PBX3: variants seen among roughly 807,000 people sequenced by gnomAD.
PBX3 encodes the protein pre-B-cell leukemia transcription factor 3.
In PBX3, 14 loss-of-function variants were observed where a neutral mutation model predicts 48.5. That is an observed-to-expected ratio of 0.29 (90% CI 0.19 to 0.45). The LOEUF (loss-of-function observed/expected upper bound fraction) is 0.45. PBX3 is among the 20% of genes least tolerant of loss of function. PBX3 has a pLI of 1.00. For synonymous variants in PBX3, 210 were observed against 200.3 expected, an observed-to-expected ratio of 1.05 and a Z score of -0.41; for missense variants, 386 against 546.7, an observed-to-expected ratio of 0.71 and a Z score of 2.93.
chr9:125,794,797 G>T (rs1270237651), intron 2 of PBX3, among the ~76,000 whole-genome samples: 2 of 151,430 alleles, frequency 1.3e-5, no homozygotes, highest in Non-Finnish European at 2.9e-5. Flanking sequence ...AGATAACAAG[G>T]TTGGGCAACC....
At chr9:125,877,539 C>T (rs913929505) in intron 2 of PBX3, among the ~76,000 whole-genome samples, 1 of 152,158 alleles carries the variant, frequency 6.6e-6, no homozygotes, top group Non-Finnish European at 1.5e-5. Context: ...TAAAATCTCT[C>T]CTTTTCTCAG....
intron 2 of PBX3, among the ~76,000 whole-genome samples, chr9:125,784,622 C>G (rs1184572168): frequency 6.6e-6 from 1 of 152,132 alleles, no homozygotes; most frequent in African/African-American, 2.4e-5. Flanking sequence ...TCTGAAGTCT[C>G]TGTTCCATTA....
At chr9:125,947,979 C>A (rs1288984828) in intron 5 of PBX3, among the ~76,000 whole-genome samples, 1 of 152,156 alleles carries the variant, frequency 6.6e-6, no homozygotes, top group Non-Finnish European at 1.5e-5. Flanking sequence ...TTTTCTGTAA[C>A]TGAACAAGCA....
intron 2 of PBX3, 135 bp from the exon 3 acceptor site, chr9:125,915,551 A>G (rs1841309066): frequency 9.2e-6 from 6 of 654,486 alleles, no homozygotes; most frequent in African/African-American, 1.8e-5. Flanking sequence ...TCAAATGTGA[A>G]CAATGAAGTT....
intron 2 of PBX3, among the ~76,000 whole-genome samples, chr9:125,841,029 T>TGCGC (rs1483698543): frequency 3.9e-5 from 6 of 152,298 alleles, no homozygotes; most frequent in African/African-American, 1.4e-4. Flanking sequence ...AATTCTTAAA[T>TGCGC]TATTATGTAC....
chr9:125,832,345 G>A (rs914142520), intron 2 of PBX3, among the ~76,000 whole-genome samples: 19 of 151,894 alleles, frequency 1.3e-4, no homozygotes, highest in African/African-American at 3.9e-4. Context: ...ACAGGCGCCC[G>A]CCACCACGCC....
chr9:125,758,016 C>T (rs532190455), intron 2 of PBX3, among the ~76,000 whole-genome samples: 17 of 152,218 alleles, frequency 1.1e-4, no homozygotes, highest in South Asian at 6.2e-4. Flanking sequence ...TGAATTTCCT[C>T]GTGTTCACCA....
intron 2 of PBX3, among the ~76,000 whole-genome samples, chr9:125,766,895 A>T (rs1468215174): frequency 6.6e-6 from 1 of 150,598 alleles, no homozygotes; most frequent in East Asian, 2.0e-4. Context: ...ATTGAAATGA[A>T]TGCTAATTTT....
intron 2 of PBX3, among the ~76,000 whole-genome samples, chr9:125,886,435 A>G (rs893266121): frequency 6.6e-6 from 1 of 152,156 alleles, no homozygotes; most frequent in South Asian, 2.1e-4. Context: ...AGGTTCAAAC[A>G]GTTTCAAATT....
At chr9:125,758,109 A>G (rs1480279295) in intron 2 of PBX3, among the ~76,000 whole-genome samples, 2 of 152,220 alleles carry the variant, frequency 1.3e-5, no homozygotes, top group African/African-American at 2.4e-5. Flanking sequence ...ACTGTGATCA[A>G]GTAGAGATAC....
intron 2 of PBX3, among the ~76,000 whole-genome samples, chr9:125,799,334 G>A (rs1295506585): frequency 2.0e-5 from 3 of 152,100 alleles, no homozygotes; most frequent in East Asian, 3.9e-4. Flanking sequence ...GCAACATGGC[G>A]AAACTCCGTC....
chr9:125,899,187 T>G (rs1840846268), intron 2 of PBX3, among the ~76,000 whole-genome samples: 1 of 145,256 alleles, frequency 6.9e-6, no homozygotes, highest in Non-Finnish European at 1.5e-5. Context: ...TCACATTCTT[T>G]AGATGATATA....
chr9:125,926,751 C>T (rs922436129), intron 3 of PBX3, among the ~76,000 whole-genome samples: 3 of 152,072 alleles, frequency 2.0e-5, no homozygotes, highest in African/African-American at 4.8e-5. Flanking sequence ...ACTTGGGAGG[C>T]GGAGATTGCA....
chr9:125,901,694 A>AGG (rs1840949344), intron 2 of PBX3, among the ~76,000 whole-genome samples: 1 of 151,706 alleles, frequency 6.6e-6, no homozygotes. Flanking sequence ...TGTTTTCTAG[A>AGG]GGGTCTTACT....
chr9:125,811,023 C>A (rs1211319825), intron 2 of PBX3, among the ~76,000 whole-genome samples: 1 of 152,166 alleles, frequency 6.6e-6, no homozygotes. Flanking sequence ...TTATAAACTT[C>A]TCTTCTGCTA....
At chr9:125,763,791 G>T (rs1377929565) in intron 2 of PBX3, among the ~76,000 whole-genome samples, 1 of 152,148 alleles carries the variant, frequency 6.6e-6, no homozygotes, top group Admixed American at 6.6e-5. Flanking sequence ...AAAGCAAAAG[G>T]CTGTTTTCAT....
At chr9:125,794,045 C>A (rs1197413339) in intron 2 of PBX3, among the ~76,000 whole-genome samples, 1 of 151,974 alleles carries the variant, frequency 6.6e-6, no homozygotes, top group African/African-American at 2.4e-5. Flanking sequence ...TGTTTTCTTA[C>A]AAATATGATG....
chr9:125,822,063 G>C (rs1262162178), intron 2 of PBX3, among the ~76,000 whole-genome samples: 1 of 152,050 alleles, frequency 6.6e-6, no homozygotes, highest in African/African-American at 2.4e-5. Flanking sequence ...TCTGTCAGGA[G>C]TAAATTAGCC....
chr9:125,750,367 T>A (rs955569381), intron 2 of PBX3, among the ~76,000 whole-genome samples: 2 of 152,232 alleles, frequency 1.3e-5, no homozygotes, highest in Non-Finnish European at 2.9e-5. Context: ...GCTTGAGAAC[T>A]AAACCCAGCA....
Sources: gnomAD v4.1 joint callset for allele counts (sites outside exome capture counted in the v4.1 genomes callset) on GRCh38, gnomAD v4.1.1 for gene constraint, MANE v1.5 for transcripts, NCBI Gene and HGNC (gene_info 2026-07-23, HGNC 2026-07-21) for gene names.